MYO7B: variants seen among roughly 807,000 people sequenced by gnomAD.
The protein encoded by MYO7B is unconventional myosin-VIIb.
MYO7B carries 212 observed loss-of-function variants against 259.7 expected under a neutral mutation model. That is an observed-to-expected ratio of 0.82 (90% CI 0.73 to 0.91). The LOEUF (loss-of-function observed/expected upper bound fraction) is 0.91, where lower values mean the gene tolerates loss of function less well. Ranked by LOEUF, MYO7B falls within the 40% of genes least tolerant of loss-of-function variation. MYO7B has a pLI of 0.00. For synonymous variants in MYO7B, 1,197 were observed against 1,166.4 expected, an observed-to-expected ratio of 1.03 and a Z score of -0.54; for missense variants, 2,732 against 2,813.5, an observed-to-expected ratio of 0.97 and a Z score of 0.66.
intron 19 of MYO7B, among the ~76,000 whole-genome samples, chr2:127,604,048 G>T (rs192216561): frequency 1.3e-5 from 2 of 152,132 alleles, no homozygotes; most frequent in Non-Finnish European, 2.9e-5. Flanking sequence ...CAGGAGAATC[G>T]CTTGAACCTG....
rs1573718700 is a variant in MYO7B at position 127,628,580 on chromosome 2, A to C, written c.4624+45A>C. ...GGGGTGGGGTGGGGTGGGGTGGGGG[A>C]GGGCCGCGCATGGGGTCTGTAGGTA... On this transcript the variant is annotated intron_variant, in intron 34 of 47. Transcript: ENST00000409816. The surrounding 1 kb of genome is among the most constrained non-coding windows in gnomAD (Gnocchi z 4.8). 1.3e-6 allele frequency: 1 copy of C among 789,612 alleles called. No individual in the cohort carries two copies. Among genetic ancestry groups the C allele is most frequent in the Non-Finnish European group, 1.9e-6 (1 of 529,076 alleles). The allele number at this position is 789,612 out of a possible 1,614,324, so 48.9% of individuals were successfully genotyped here.
At position 127,614,652 on chromosome 2, in the gene MYO7B, G is replaced by T. The variant is rs1336225453; in HGVS notation, c.3398+2049G>T. ...CAGGCATCAGATGGGGAGTGACATG[G>T]GTCTCTTCTCTGGCAGCCCCCAGTT... On this transcript the variant is annotated intron_variant, in intron 26 of 47. Transcript: ENST00000409816. The surrounding 1 kb of genome is among the most constrained non-coding windows in gnomAD (Gnocchi z 4.6). 6.6e-6 allele frequency among the ~76,000 whole-genome samples: 1 copy of T among 152,098 alleles called. No homozygotes were observed. Among genetic ancestry groups the T allele is most frequent in the African/African-American group, 2.4e-5 (1 of 41,408 alleles).
At chr2:127,612,979 C>T (rs1304551333) in intron 26 of MYO7B, among the ~76,000 whole-genome samples, 1 of 152,212 alleles carries the variant, frequency 6.6e-6, no homozygotes, top group African/African-American at 2.4e-5. Flanking sequence ...GTATAGTCAG[C>T]CTGCAAACAC....
chr2:127,554,949 ATTT>A (rs113240086), intron 1 of MYO7B, among the ~76,000 whole-genome samples: 2 of 136,042 alleles, frequency 1.5e-5, no homozygotes, highest in African/African-American at 2.7e-5. Context: ...TTTCTAATTG[ATTT>A]TTTTTTTTTT....
Position 127,582,292 on chromosome 2 carries a change from G to C in MYO7B, c.1201-12G>C. On this transcript the variant is annotated splice_polypyrimidine_tract_variant and intron_variant, in intron 11 of 47. Coordinates refer to ENST00000409816, the MANE Select transcript of MYO7B (RefSeq NM_001393586.1). Reference sequence around the variant, plus strand: ...CCAAGCCCAGGATTCTCCCACCCCCGTGTCTCTCCAGGGCATCTATGGGCA... The same window carrying C: ...CCAAGCCCAGGATTCTCCCACCCCCCTGTCTCTCCAGGGCATCTATGGGCA... The C allele has an allele frequency of 1.2e-6, 2 of 1,612,072 alleles. No individual in the cohort carries two copies. Among genetic ancestry groups the C allele is most frequent in the Non-Finnish European group, 1.7e-6 (2 of 1,179,194 alleles).
Position 127,592,861 on chromosome 2 carries a change from G to GC in MYO7B, c.2061dup (p.Lys688GlnfsTer42), listed in dbSNP as rs755019564. ...GGCATGATGGAGACCGTGCACATCC[G>GC]CAAGTCGGGCTTCCCCATCCGCTAC... On this transcript the variant is annotated frameshift_variant, in exon 17 of 48. Coordinates refer to ENST00000409816, the MANE Select transcript of MYO7B (RefSeq NM_001393586.1). LOFTEE classifies it high-confidence loss of function. The GC allele has an allele frequency of 1.9e-6, 3 of 1,609,836 alleles. No homozygotes were observed. Among genetic ancestry groups the GC allele is most frequent in the South Asian group, 2.2e-5 (2 of 90,298 alleles).
intron 26 of MYO7B, among the ~76,000 whole-genome samples, chr2:127,616,385 C>T (rs542812019): frequency 6.6e-6 from 1 of 152,286 alleles, no homozygotes; most frequent in Non-Finnish European, 1.5e-5. Context: ...CCCTGACCTC[C>T]TCGCTTCTTC....
At position 127,590,170 on chromosome 2, in the gene MYO7B, A is replaced by C. The variant is rs2104967615; in HGVS notation, c.1933A>C (p.Thr645Pro). ...QSLDQLMKIL[T>P]NCQPYFIRCI... ...TCTGGACCAGCTGATGAAAATCCTG[A>C]CCAACTGCCAGCCTTACTTCATCCG... Residue 645 changes from threonine (T) to proline (P), a missense_variant, in exon 16 of 48, where the codon ACC (threonine) becomes CCC (proline). This residue lies in a region of MYO7B where 1,906 missense variants were observed against 2,026.4 expected (regional missense o/e 0.94). Transcript: ENST00000409816. The surrounding 1 kb of genome is among the most constrained non-coding windows in gnomAD (Gnocchi z 4.6). The C allele has an allele frequency of 6.2e-7, 1 of 1,612,696 alleles. No homozygotes were observed. Among genetic ancestry groups the C allele is most frequent in the East Asian group, 2.2e-5 (1 of 44,888 alleles).
At chr2:127,624,438 C>T (rs1310160496) in intron 30 of MYO7B, 118 bp downstream of exon 30, 1 of 893,254 alleles carries the variant, frequency 1.1e-6, no homozygotes, top group Non-Finnish European at 1.7e-6. Flanking sequence ...GAAAGGGGGT[C>T]ACAAGGGTGT....
At chr2:127,633,166 T>G (rs1337039432) in intron 39 of MYO7B, 92 bp from the exon 40 acceptor site, 4 of 995,124 alleles carry the variant, frequency 4.0e-6, no homozygotes, top group Non-Finnish European at 6.0e-6. Flanking sequence ...TTCTTTTGTT[T>G]CTGGCACATG....
At position 127,623,216 on chromosome 2, in the gene MYO7B, G is replaced by A; in HGVS notation, c.3660G>A (p.Lys1220=). The A allele has an allele frequency of 6.2e-7, 1 of 1,613,574 alleles. No individual in the cohort carries two copies. Among genetic ancestry groups the A allele is most frequent in the South Asian group, 1.1e-5 (1 of 91,084 alleles). Residue 1220 remains lysine (K), a synonymous_variant, in exon 29 of 48, where the codon AAG becomes AAA. Coordinates refer to ENST00000409816, the MANE Select transcript of MYO7B (RefSeq NM_001393586.1). Reference sequence around the variant, plus strand: ...TCTGTCCCCAGGCTGTCAAGTCCAAGAAGCACATCCCCATCCAAGTCATCT... The same window carrying A: ...TCTGTCCCCAGGCTGTCAAGTCCAAAAAGCACATCCCCATCCAAGTCATCT... ...TWLELQAVKS[K]KHIPIQVILA...
At chr2:127,623,636 A>C (rs111343454) in intron 29 of MYO7B, among the ~76,000 whole-genome samples, 5,628 of 151,926 alleles carry the variant, frequency 0.037, 162 homozygotes, top group Non-Finnish European at 0.053. Context: ...CTGGTCCCCC[A>C]CCCAGCAGCC....
chr2:127,546,770 A>ATCCG lies in MYO7B; in HGVS notation c.-24+10942_-24+10943insGTCC, dbSNP rs575489634. ...CCTGCTTTCCTGGGTAGGTCCATCC[A>ATCCG]TCCATCCATCCATCCATCCATCCAT... is the stretch of plus-strand genomic sequence containing the variant. On this transcript the variant is annotated intron_variant, in intron 1 of 47. Transcript: ENST00000409816. The surrounding 1 kb of genome is among the most constrained non-coding windows in gnomAD (Gnocchi z 4.2). Among the ~76,000 whole-genome samples the ATCCG allele has an allele frequency of 6.7e-6, 1 of 148,920 alleles. No individual in the cohort carries two copies. Among genetic ancestry groups the ATCCG allele is most frequent in the African/African-American group, 2.5e-5 (1 of 40,204 alleles).
intron 47 of MYO7B, 30 bp from the exon 48 acceptor site, chr2:127,637,286 C>G: frequency 6.8e-7 from 1 of 1,474,916 alleles, no homozygotes; most frequent in Non-Finnish European, 9.0e-7. Context: ...TCTGCACCCA[C>G]AGCCTCTGAC....
chr2:127,588,718 TG>T (rs1679402317), intron 15 of MYO7B, among the ~76,000 whole-genome samples, 163 bp downstream of exon 15: 1 of 145,286 alleles, frequency 6.9e-6, no homozygotes, highest in Non-Finnish European at 1.5e-5. Context: ...GATGGGTGGG[TG>T]GATAGATGGG....
chr2:127,583,760 G>A (rs1053213342), intron 12 of MYO7B, among the ~76,000 whole-genome samples: 10 of 152,190 alleles, frequency 6.6e-5, no homozygotes, highest in South Asian at 2.1e-4. Context: ...CAAGGCTCAC[G>A]GGTAGGGCTG....
intron 21 of MYO7B, among the ~76,000 whole-genome samples, chr2:127,608,019 G>T (rs1011986976): frequency 1.3e-5 from 2 of 152,158 alleles, no homozygotes; most frequent in Admixed American, 6.5e-5. Flanking sequence ...TGAGTGTCTG[G>T]GGGGCTGGGA....
At chr2:127,635,985 G>A in intron 44 of MYO7B, 78 bp downstream of exon 44, 1 of 1,490,564 alleles carries the variant, frequency 6.7e-7, no homozygotes, top group South Asian at 1.3e-5. Flanking sequence ...TGCCCTGCCT[G>A]GGCTCCAAGA....
At chr2:127,610,047 G>T (rs749280602) in intron 24 of MYO7B, 31 bp downstream of exon 24, 1 of 1,601,284 alleles carries the variant, frequency 6.2e-7, no homozygotes, top group South Asian at 1.1e-5. Flanking sequence ...GGCAGAGGAG[G>T]GCGACACCTA....
Sources: allele counts gnomAD v4.1 joint callset (sites outside exome capture counted in the v4.1 genomes callset), GRCh38; gene constraint gnomAD v4.1.1; regional missense constraint gnomAD v4.1.1; non-coding constraint Gnocchi (gnomAD v3.1); transcripts MANE v1.5; gene names NCBI Gene and HGNC (gene_info 2026-07-23, HGNC 2026-07-21).